SART1: variants seen among roughly 807,000 people sequenced by gnomAD.
SART1 encodes the protein spliceosome associated factor 1, recruiter of U4/U6.U5 tri-snRNP, also known as U4/U6.U5 tri-snRNP-associated protein 1.
A neutral mutation model predicts 105.0 loss-of-function variants in SART1; 28 were observed. The ratio of observed to expected loss-of-function variants is 0.27; its 90% CI spans 0.20 to 0.37. The LOEUF is 0.37. Among genes scored for constraint, SART1 ranks in the 10% least tolerant of loss-of-function variants. SART1 has a pLI of 1.00. For synonymous variants in SART1, 472 were observed against 462.9 expected (o/e 1.02, Z -0.25); for missense variants, 894 against 1,106.5 (o/e 0.81, Z 2.72).
intron 1 of SART1, among the ~76,000 whole-genome samples, chr11:65,962,617 G>A (rs571996981): frequency 6.6e-6 from 1 of 152,350 alleles, no homozygotes; most frequent in East Asian, 1.9e-4. Flanking sequence ...ACTGTAGATT[G>A]TCTTGAGGAT....
intron 1 of SART1, among the ~76,000 whole-genome samples, chr11:65,962,776 C>A (rs1011726778): frequency 4.6e-5 from 7 of 152,102 alleles, no homozygotes; most frequent in African/African-American, 7.2e-5. Flanking sequence ...CTGATGGTGG[C>A]CTGCACCAAG....
At position 65,977,801 on chromosome 11, in the gene SART1, C is replaced by T. The variant is rs757154227; in HGVS notation, c.2074C>T (p.Arg692Ter). 3 of 1,613,894 alleles carry T rather than the reference C, an allele frequency of 1.9e-6. No homozygotes were observed. Among genetic ancestry groups the T allele is most frequent in the Non-Finnish European group, 2.5e-6 (3 of 1,179,958 alleles). ...CAAGTACAGCCGGAGGGAGGAATAC[C>T]GAGGCTTCACACAGGACTTCAAGGA... is the stretch of plus-strand genomic sequence containing the variant. ...DDKYSRREEY[R>*]GFTQDFKEKD... Residue 692 changes from arginine to a stop codon, truncating the protein, a stop_gained, in exon 17 of 20, where the codon CGA becomes TGA. Transcript: ENST00000312397. LOFTEE classifies it high-confidence loss of function.
Position 65,977,090 on chromosome 11 carries a change from G to A in SART1, c.1934G>A (p.Cys645Tyr). 6.2e-7 allele frequency: 1 copy of A among 1,613,540 alleles called. No individual in the cohort carries two copies. ...NRGLAAALLLCQNKGLLETTV... is the reference protein window; with the variant it reads ...NRGLAAALLLYQNKGLLETTV... ...GGGCTGGCAGCTGCCCTGCTCCTGT[G>A]TCAGAACAAAGGTAGGGAGCTCAGG... The change falls in exon 15 of 20, where the codon TGT (cysteine) becomes TAT (tyrosine). Residue 645 changes from cysteine (C) to tyrosine (Y), a missense_variant. Transcript: ENST00000312397.
At position 65,967,227 on chromosome 11, in the gene SART1, C is replaced by T. The variant is rs770439069; in HGVS notation, c.1189-32C>T. 1.4e-5 allele frequency: 23 copies of T among 1,608,230 alleles called. No individual in the cohort carries two copies. In the South Asian group the frequency reaches 1.4e-4, roughly 10 times the overall value. ...TGTGGCGACCTGCCTTTCTGTGGCCCCCGCTCCATGTCTCGCCCCTCTTCC... is the reference window on the plus strand; with the variant it reads ...TGTGGCGACCTGCCTTTCTGTGGCCTCCGCTCCATGTCTCGCCCCTCTTCC... On this transcript the variant is annotated intron_variant, in intron 9 of 19. Transcript: ENST00000312397.
rs746052994 is a variant in SART1 at position 65,965,902 on chromosome 11, C to T, written c.754C>T (p.Arg252Trp). The change falls in exon 7 of 20, where the codon CGG (arginine) becomes TGG (tryptophan). Residue 252 changes from arginine to tryptophan, a missense_variant. By Grantham distance (101) the Arg-to-Trp change is moderately radical (BLOSUM62 -3). Around this residue, in one of 2 missense-constraint regions of SART1, gnomAD observed 712 missense variants for 778.2 expected, o/e 0.91. Transcript: ENST00000312397. ...GQRRQDLYSA[R>W]DLQGLTVEHA... ...CTTCCCTTAGGACCTGTACAGTGCC[C>T]GGGACCTGCAGGGCCTCACCGTGGA... The T allele has an allele frequency of 1.6e-5, 26 of 1,613,922 alleles. No homozygotes were observed. Among genetic ancestry groups the T allele is most frequent in the South Asian group, 3.3e-5 (3 of 91,084 alleles).
chr11:65,976,546 G>C lies in SART1; in HGVS notation c.1724G>C (p.Arg575Pro). Residue 575 changes from arginine to proline, a missense_variant, in exon 13 of 20, where the codon CGC becomes CCC. By Grantham distance (103) the Arg-to-Pro change is moderately radical. Around this residue, in one of 2 missense-constraint regions of SART1, gnomAD observed 182 missense variants for 328.3 expected, o/e 0.55. Coordinates refer to ENST00000312397, the MANE Select transcript of SART1 (RefSeq NM_005146.5). The surrounding 1 kb of genome is among the most constrained non-coding windows in gnomAD (Gnocchi z 5.1). ...CCCACCTACGGGCTGGCTGGCAATC[G>C]CGAGGAGCAGGAGGAGCTCATGGTG... ...EIPTYGLAGN[R>P]EEQEELMDFE... 1 of 1,609,120 alleles carries C rather than the reference G, an allele frequency of 6.2e-7. No individual in the cohort carries two copies. The highest frequency in any genetic ancestry group is 8.5e-7 in the Non-Finnish European group (1 of 1,177,308).
chr11:65,965,154 C>T lies in SART1; in HGVS notation c.490C>T (p.Arg164Ter). The change falls in exon 4 of 20, where the codon CGA becomes TGA. Residue 164 changes from arginine (R) to a stop codon, truncating the protein, a stop_gained. Transcript: ENST00000312397. LOFTEE classifies it high-confidence loss of function. Reference protein sequence around the residue: ...DVINPMALRQREELREKLAAA... With the variant: ...DVINPMALRQ ...CATCAACCCTATGGCCTTGCGACAGCGAGAGGAGCTGCGGGAGAAGCTGGC... is the reference window on the plus strand; with the variant it reads ...CATCAACCCTATGGCCTTGCGACAGTGAGAGGAGCTGCGGGAGAAGCTGGC... 1 of 1,603,002 alleles carries T rather than the reference C, an allele frequency of 6.2e-7. No individual in the cohort carries two copies. Among genetic ancestry groups the T allele is most frequent in the Non-Finnish European group, 8.5e-7 (1 of 1,177,430 alleles).
Position 65,965,387 on chromosome 11 carries a change from T to A in SART1, c.600T>A (p.Thr200=), listed in dbSNP as rs139806126. 2.0e-5 allele frequency: 31 copies of A among 1,583,892 alleles called. No homozygotes were observed. In the African/African-American group the frequency reaches 3.5e-4, roughly 18 times the overall value. The change falls in exon 5 of 20, where the codon ACT becomes ACA. Residue 200 remains threonine (T), a synonymous_variant. Coordinates refer to ENST00000312397, the MANE Select transcript of SART1 (RefSeq NM_005146.5). The stretch of plus-strand genomic sequence containing the variant: ...AGGATGACCCCTGGCTGGACGACAC[T>A]GCAGCCTGGATCGAGAGGAGCCGGC... The part of the protein sequence containing the change: ...LGEDDPWLDD[T]AAWIERSRQL...
At chr11:65,966,849 G>T (rs1049163564) in intron 9 of SART1, among the ~76,000 whole-genome samples, 4 of 152,202 alleles carry the variant, frequency 2.6e-5, no homozygotes, top group Non-Finnish European at 5.9e-5. Context: ...AGTGACAGGA[G>T]CCGCCTCCTG....
chr11:65,976,400 G>A lies in SART1; in HGVS notation c.1578G>A (p.Val526=), dbSNP rs779853042. The change falls in exon 13 of 20, where the codon GTG becomes GTA. Residue 526 remains valine, a synonymous_variant. Coordinates refer to ENST00000312397, the MANE Select transcript of SART1 (RefSeq NM_005146.5). The surrounding 1 kb of genome is among the most constrained non-coding windows in gnomAD (Gnocchi z 5.1). The stretch of plus-strand genomic sequence containing the variant: ...ACAGCCGCTCCCTCCCCCAGGTGGT[G>A]GAGATTGTGAAGAAGCTGGAGTCTC... ...QQLRDSGEKV[V]EIVKKLESRQ... is the part of the protein sequence containing the mutation. 1.9e-6 allele frequency: 3 copies of A among 1,544,146 alleles called. No individual in the cohort carries two copies. Among genetic ancestry groups the A allele is most frequent in the Admixed American group, 4.1e-5 (2 of 48,380 alleles).
intron 17 of SART1, 97 bp downstream of exon 17, chr11:65,977,996 C>G: frequency 7.5e-7 from 1 of 1,338,004 alleles, no homozygotes; most frequent in Non-Finnish European, 1.0e-6. Flanking sequence ...CCCCAGGGTC[C>G]TGGCTCCACC....
intron 1 of SART1, among the ~76,000 whole-genome samples, chr11:65,963,525 A>G (rs1266144609): frequency 6.6e-6 from 1 of 151,260 alleles, no homozygotes; most frequent in Non-Finnish European, 1.5e-5. Flanking sequence ...TCCATTGCCC[A>G]GGCTAGAGTG....
chr11:65,962,190 C>T (rs954899665), intron 1 of SART1, 97 bp downstream of exon 1: 12 of 912,164 alleles, frequency 1.3e-5, no homozygotes, highest in Middle Eastern at 3.5e-4. Context: ...CTCTTCAGGC[C>T]AGGAAACCCC....
rs771104966 is a variant in SART1, at chr11:65,961,772, C to T, written c.-9C>T. ...CGGCGGCAGCCGGGCTCGGAGTGGA[C>T]GTGCCACTATGGGGTCGTCCAAGAA... On this transcript the variant is annotated 5_prime_UTR_variant, in exon 1 of 20. The change creates a new upstream start codon in the 5' untranslated region. Transcript: ENST00000312397. The T allele has an allele frequency of 1.3e-6, 2 of 1,501,230 alleles. No homozygotes were observed. The highest frequency in any genetic ancestry group is 1.8e-6 in the Non-Finnish European group (2 of 1,132,842). 93.0% of individuals were successfully genotyped at this position (1,501,230 alleles called of 1,614,324 possible). A position where few individuals can be genotyped will look rare whatever the true frequency, so the allele number is the denominator to read the frequency against.
rs1163294571 is a variant in SART1, at chr11:65,965,173, A to G, written c.509A>G (p.Lys170Arg). ...ALRQREELRE[K>R]LAAAKEKRLL... ...CGACAGCGAGAGGAGCTGCGGGAGA[A>G]GCTGGCGGCTGCCAAGGAGAAGCGC... The change falls in exon 4 of 20, where the codon AAG (lysine) becomes AGG (arginine). Residue 170 changes from lysine (K) to arginine (R), a missense_variant. Lys to Arg is a conservative substitution (Grantham distance 26). This residue lies in a region of SART1 where 712 missense variants were observed against 778.2 expected (regional missense o/e 0.91). Coordinates refer to ENST00000312397, the MANE Select transcript of SART1 (RefSeq NM_005146.5). 4 of 1,606,638 alleles carry G rather than the reference A, an allele frequency of 2.5e-6. No homozygotes were observed. Among genetic ancestry groups the G allele is most frequent in the Non-Finnish European group, 3.4e-6 (4 of 1,178,358 alleles).
intron 12 of SART1, among the ~76,000 whole-genome samples, chr11:65,968,488 G>A (rs904215928): frequency 1.3e-5 from 2 of 152,146 alleles, no homozygotes; most frequent in Non-Finnish European, 2.9e-5. Context: ...GTTAATGCAG[G>A]AACGGTAATT....
chr11:65,975,687 T>C (rs564898603), intron 12 of SART1, among the ~76,000 whole-genome samples: 10 of 152,110 alleles, frequency 6.6e-5, no homozygotes, highest in African/African-American at 2.4e-4. Context: ...ATGAATGTAA[T>C]ATAAAATGAA....
chr11:65,976,428 C>T lies in SART1; in HGVS notation c.1606C>T (p.Gln536Ter). ...GATTGTGAAGAAGCTGGAGTCTCGC[C>T]AGCGGGGCTGGGAGGAGGATGAGGA... ...VEIVKKLESR[Q>*]RGWEEDEDPE... Residue 536 changes from glutamine to a stop codon, truncating the protein, a stop_gained, in exon 13 of 20, where the codon CAG (glutamine) becomes TAG (stop). Transcript: ENST00000312397. LOFTEE classifies it high-confidence loss of function. This position sits in a 1 kb window ranked among gnomAD's most constrained non-coding sequence, Gnocchi z 5.1. 6.4e-7 allele frequency: 1 copy of T among 1,561,758 alleles called. No homozygotes were observed. The highest frequency in any genetic ancestry group is 8.6e-7 in the Non-Finnish European group (1 of 1,156,710).
At chr11:65,965,286 A>C in intron 4 of SART1, 56 bp from the exon 5 acceptor site, 2 of 1,604,402 alleles carry the variant, frequency 1.2e-6, no homozygotes, top group Non-Finnish European at 1.7e-6. Context: ...CTGCCTCTTG[A>C]GTGGGGTGGG....
Sources: gnomAD v4.1 joint callset for allele counts (sites outside exome capture counted in the v4.1 genomes callset) on GRCh38, gnomAD v4.1.1 for gene constraint, gnomAD v4.1.1 regional missense constraint, Gnocchi (gnomAD v3.1) non-coding constraint, MANE v1.5 for transcripts, NCBI Gene and HGNC (gene_info 2026-07-23, HGNC 2026-07-21) for gene names.